The following ATP8A1 variants were observed in gnomAD, a reference collection of about 807,000 sequenced individuals.
The protein encoded by ATP8A1 is ATPase phospholipid transporting 8A1.
In ATP8A1, 90 loss-of-function variants were observed where a neutral mutation model predicts 177.7. That is an observed-to-expected ratio of 0.51 (90% CI 0.43 to 0.60). The LOEUF is 0.60. ATP8A1 is among the 20% of genes least tolerant of loss of function. The pLI is 0.00. For synonymous variants in ATP8A1, 493 were observed against 485.9 expected (o/e 1.01, Z -0.19); for missense variants, 1,072 against 1,392.8 (o/e 0.77, Z 3.67).
At chr4:42,489,046 C>A (rs980223863) in intron 24 of ATP8A1, among the ~76,000 whole-genome samples, 1 of 152,158 alleles carries the variant, frequency 6.6e-6, no homozygotes, top group Non-Finnish European at 1.5e-5. Flanking sequence ...GAGAGAGACA[C>A]ACACAGAGAG....
intron 1 of ATP8A1, among the ~76,000 whole-genome samples, chr4:42,636,297 G>T (rs892122834): frequency 2.0e-5 from 3 of 152,102 alleles, no homozygotes; most frequent in Non-Finnish European, 4.4e-5. Flanking sequence ...AGCAATTACT[G>T]CAGTGACAAA....
intron 20 of ATP8A1, among the ~76,000 whole-genome samples, chr4:42,536,781 G>A (rs534341235): frequency 3.7e-4 from 56 of 152,204 alleles, no homozygotes; most frequent in Middle Eastern, 6.8e-3. Context: ...ATGCAGAGAT[G>A]GTTTAACATC....
chr4:42,520,781 A>G (rs1410359803), intron 22 of ATP8A1, among the ~76,000 whole-genome samples: 3 of 152,192 alleles, frequency 2.0e-5, no homozygotes, highest in Non-Finnish European at 4.4e-5. Flanking sequence ...CTATCTCTAT[A>G]TATACAGGTA....
At chr4:42,476,692 A>G (rs1376481270) in intron 25 of ATP8A1, among the ~76,000 whole-genome samples, 2 of 152,162 alleles carry the variant, frequency 1.3e-5, no homozygotes, top group African/African-American at 4.8e-5. Context: ...CATAAAAGGA[A>G]AAAATTAGTG....
intron 35 of ATP8A1, 62 bp downstream of exon 35, chr4:42,422,745 C>T (rs772235557): frequency 2.4e-5 from 32 of 1,309,804 alleles, no homozygotes; most frequent in Non-Finnish European, 3.3e-5. Flanking sequence ...TTATTTCCAA[C>T]CACTAGTACA....
chr4:42,546,101 C>T (rs1728890245), intron 19 of ATP8A1, among the ~76,000 whole-genome samples: 1 of 152,148 alleles, frequency 6.6e-6, no homozygotes, highest in Non-Finnish European at 1.5e-5. Flanking sequence ...CAGAGGCCTT[C>T]CTTACACATG....
chr4:42,425,514 C>T (rs1192480967), intron 33 of ATP8A1, among the ~76,000 whole-genome samples: 1 of 151,858 alleles, frequency 6.6e-6, no homozygotes, highest in East Asian at 1.9e-4. Context: ...GATTTAAAGC[C>T]GACATTCGCA....
At chr4:42,547,820 T>G (rs749974303) in intron 19 of ATP8A1, among the ~76,000 whole-genome samples, 32 of 152,212 alleles carry the variant, frequency 2.1e-4, no homozygotes, top group Non-Finnish European at 3.8e-4. Context: ...GCAACAAAAG[T>G]TGGCACAGAA....
intron 33 of ATP8A1, among the ~76,000 whole-genome samples, chr4:42,435,932 T>G (rs1577927062): frequency 6.6e-6 from 1 of 152,308 alleles, no homozygotes; most frequent in South Asian, 2.1e-4. Flanking sequence ...CTTCATTTAG[T>G]CATTTGTTAA....
intron 20 of ATP8A1, among the ~76,000 whole-genome samples, chr4:42,540,439 A>G (rs1578130888): frequency 7.1e-6 from 1 of 140,526 alleles, no homozygotes; most frequent in East Asian, 1.9e-4. Flanking sequence ...TACCCAAAGG[A>G]AAAAAAAAAT....
At chr4:42,454,380 A>C (rs1264333982) in intron 29 of ATP8A1, among the ~76,000 whole-genome samples, 4 of 152,224 alleles carry the variant, frequency 2.6e-5, no homozygotes, top group Admixed American at 6.5e-5. Flanking sequence ...AACTGTCCTG[A>C]ATTCAAGATT....
chr4:42,581,341 G>T (rs989279358), intron 10 of ATP8A1, among the ~76,000 whole-genome samples: 3 of 152,156 alleles, frequency 2.0e-5, no homozygotes, highest in Admixed American at 6.5e-5. Flanking sequence ...CACCGTGTTA[G>T]CCAGCATGAT....
At chr4:42,624,452 T>A in intron 4 of ATP8A1, 84 bp downstream of exon 4, 2 of 717,432 alleles carry the variant, frequency 2.8e-6, no homozygotes, top group Non-Finnish European at 4.3e-6. Flanking sequence ...ACGCCAAGAA[T>A]TAAATAATTT....
chr4:42,457,498 A>T (rs1158493801), intron 27 of ATP8A1, among the ~76,000 whole-genome samples: 3 of 152,232 alleles, frequency 2.0e-5, no homozygotes, highest in Admixed American at 6.5e-5. Flanking sequence ...TCTCTAATCT[A>T]TGAAGACACA....
chr4:42,414,601 T>G (rs1713010524), intron 36 of ATP8A1, 26 bp downstream of exon 36: 1 of 1,587,750 alleles, frequency 6.3e-7, no homozygotes, highest in African/African-American at 1.3e-5. Context: ...AGAATTTATT[T>G]AAAAATAAGA....
At chr4:42,505,667 A>G (rs969403713) in intron 23 of ATP8A1, among the ~76,000 whole-genome samples, 3 of 152,172 alleles carry the variant, frequency 2.0e-5, no homozygotes, top group Non-Finnish European at 4.4e-5. Flanking sequence ...AATTTGAAGT[A>G]GAGTTTTATA....
chr4:42,627,141 A>G, intron 1 of ATP8A1, 32 bp from the exon 2 acceptor site: 3 of 1,546,078 alleles, frequency 1.9e-6, no homozygotes, highest in Non-Finnish European at 2.7e-6. Context: ...TGTACAAGAA[A>G]TGTTTTATTG....
intron 25 of ATP8A1, among the ~76,000 whole-genome samples, chr4:42,479,438 A>G (rs1162727653): frequency 6.6e-6 from 1 of 152,230 alleles, no homozygotes; most frequent in Non-Finnish European, 1.5e-5. Context: ...AACCAGTTAC[A>G]CAAAGCTAAC....
At chr4:42,619,752 G>C (rs1287284471) in intron 4 of ATP8A1, among the ~76,000 whole-genome samples, 2 of 152,018 alleles carry the variant, frequency 1.3e-5, no homozygotes, top group African/African-American at 4.8e-5. Context: ...GCCATGACCA[G>C]TCTTCACCAA....
Sources: allele counts gnomAD v4.1 joint callset (sites outside exome capture counted in the v4.1 genomes callset), GRCh38; gene constraint gnomAD v4.1.1; transcripts MANE v1.5; gene names NCBI Gene and HGNC (gene_info 2026-07-23, HGNC 2026-07-21).